Variants in ZBED4 observed in about 807,000 individuals in gnomAD.
ZBED4 encodes the protein zinc finger BED-type containing 4.
A neutral mutation model predicts 15.5 loss-of-function variants in ZBED4; 4 were observed. The observed-to-expected ratio is 0.26, with a 90% CI of 0.13 to 0.59. ZBED4 has a LOEUF of 0.59. ZBED4 is among the 20% of genes least tolerant of loss of function. The pLI is 0.90. For missense variants in ZBED4, 1,323 were observed against 1,461.8 expected (o/e 0.91, Z 1.55); for synonymous variants, 692 against 608.5 (o/e 1.14, Z -2.02).
At chr22:49,878,780 C>T (rs1601797552) in intron 1 of ZBED4, among the ~76,000 whole-genome samples, 1 of 151,992 alleles carries the variant, frequency 6.6e-6, no homozygotes, top group Non-Finnish European at 1.5e-5. Flanking sequence ...GGTGGATCAC[C>T]TGAGGTCAGG....
chr22:49,880,840 T>C (rs552660080), intron 1 of ZBED4, among the ~76,000 whole-genome samples: 88 of 152,196 alleles, frequency 5.8e-4, no homozygotes, highest in Non-Finnish European at 9.3e-4. Flanking sequence ...GATGTCAACA[T>C]TGAGTTTTCT....
rs548116300 is a variant in ZBED4, at chr22:49,875,954, T to A, written c.-329-7380T>A. Among the ~76,000 whole-genome samples, 5 of 152,012 alleles carry A rather than the reference T, an allele frequency of 3.3e-5. No homozygotes were observed. The East Asian group carries it at 7.7e-4, about 23-fold the overall frequency. On this transcript the variant is annotated intron_variant, in intron 1 of 1. Transcript: ENST00000216268. The stretch of plus-strand genomic sequence containing the variant: ...TCATTGATTTTTTTTCTTTTTTTTT[T>A]ATTTCATTGATTTCACATCTTTATT...
intron 1 of ZBED4, among the ~76,000 whole-genome samples, chr22:49,858,908 A>G (rs1027777491): frequency 6.6e-6 from 1 of 152,084 alleles, no homozygotes; most frequent in Admixed American, 6.6e-5. Context: ...GGGAGGCCTG[A>G]TTTGATACAG....
At chr22:49,861,071 C>T (rs922387158) in intron 1 of ZBED4, among the ~76,000 whole-genome samples, 3 of 151,928 alleles carry the variant, frequency 2.0e-5, no homozygotes, top group East Asian at 1.9e-4. Flanking sequence ...CCACCATGCC[C>T]GGCCTAGGCA....
rs145432095 is a variant in ZBED4 at position 49,878,427 on chromosome 22, G to A, written c.-329-4907G>A. ...ACACCGAAGAAGAGATTGGTGGAGCGATAGAGAATCCAGAAATAGATCCAC... is the reference window on the plus strand; with the variant it reads ...ACACCGAAGAAGAGATTGGTGGAGCAATAGAGAATCCAGAAATAGATCCAC... On this transcript the variant is annotated intron_variant, in intron 1 of 1. Transcript: ENST00000216268. Among the ~76,000 whole-genome samples the A allele has an allele frequency of 3.8e-3, 572 of 151,908 alleles. 4 individuals are homozygous for A. The highest frequency in any genetic ancestry group is 0.013 in the African/African-American group (554 of 41,406).
chr22:49,869,518 G>A (rs1171012307), intron 1 of ZBED4, among the ~76,000 whole-genome samples: 1 of 152,154 alleles, frequency 6.6e-6, no homozygotes, highest in Non-Finnish European at 1.5e-5. Context: ...TTATTCCTCA[G>A]GGAATATTTG....
rs573108509 is a variant in ZBED4, at chr22:49,887,388, A to G, written c.*210A>G. On this transcript the variant is annotated 3_prime_UTR_variant, in exon 2 of 2. Coordinates refer to ENST00000216268, the MANE Select transcript of ZBED4 (RefSeq NM_014838.3). ...GGGGTGTTTTATTAAGACGTCCACT[A>G]GAAATAGCTTGTCCTGTCAACTATG... 48 of 472,426 alleles carry G rather than the reference A, an allele frequency of 1.0e-4. No individual in the cohort carries two copies. Among genetic ancestry groups the G allele is most frequent in the Non-Finnish European group, 1.5e-4 (39 of 258,326 alleles). The allele number at this position is 472,426 out of a possible 1,614,324, so 29.3% of individuals were successfully genotyped here.
At chr22:49,856,121 C>T (rs1194657702) in intron 1 of ZBED4, among the ~76,000 whole-genome samples, 1 of 152,242 alleles carries the variant, frequency 6.6e-6, no homozygotes, top group African/African-American at 2.4e-5. Flanking sequence ...ACCTCAGATC[C>T]CTTCCTTGGT....
intron 1 of ZBED4, among the ~76,000 whole-genome samples, chr22:49,869,642 G>GT (rs1484112932): frequency 6.6e-6 from 1 of 152,020 alleles, no homozygotes; most frequent in African/African-American, 2.4e-5. Context: ...TATCTCATTG[G>GT]TTTTTTTCTT....
At chr22:49,875,091 AT>A (rs1328604489) in intron 1 of ZBED4, among the ~76,000 whole-genome samples, 1 of 151,648 alleles carries the variant, frequency 6.6e-6, no homozygotes, top group South Asian at 2.1e-4. Context: ...TTTGTTAAGG[AT>A]TTTTTTTCTG....
rs919118233 is a variant in ZBED4 at position 49,886,854 on chromosome 22, G to A, written c.3192G>A (p.Leu1064=). ...PSKDSAAEEN[L]WSLVAKVKKK... ...AAGACTCTGCCGCAGAGGAGAACCT[G>A]TGGTCACTTGTGGCCAAGGTGAAGA... is the stretch of plus-strand genomic sequence containing the variant. Residue 1064 remains leucine, a synonymous_variant, in exon 2 of 2, where the codon CTG becomes CTA. Coordinates refer to ENST00000216268, the MANE Select transcript of ZBED4 (RefSeq NM_014838.3). This position sits in a 1 kb window ranked among gnomAD's most constrained non-coding sequence, Gnocchi z 7.7. 21 of 1,613,986 alleles carry A rather than the reference G, an allele frequency of 1.3e-5. 1 individual carries two copies. In the Middle Eastern group the frequency reaches 4.9e-4, roughly 38 times the overall value.
At chr22:49,856,564 C>T (rs1056110909) in intron 1 of ZBED4, among the ~76,000 whole-genome samples, 9 of 152,244 alleles carry the variant, frequency 5.9e-5, no homozygotes, top group African/African-American at 9.6e-5. Flanking sequence ...CTGCTGAAGC[C>T]GCCTCCCAGC....
At chr22:49,868,287 A>G (rs1023603425) in intron 1 of ZBED4, among the ~76,000 whole-genome samples, 3 of 152,372 alleles carry the variant, frequency 2.0e-5, no homozygotes, top group African/African-American at 7.2e-5. Context: ...CAAGCAAACA[A>G]ATGAGCTTAC....
chr22:49,857,357 C>T (rs1406767929), intron 1 of ZBED4, among the ~76,000 whole-genome samples: 1 of 152,214 alleles, frequency 6.6e-6, no homozygotes, highest in East Asian at 1.9e-4. Flanking sequence ...ACAGGGGACC[C>T]ACAAAACCAC....
chr22:49,861,221 T>G (rs2060295845), intron 1 of ZBED4, among the ~76,000 whole-genome samples: 1 of 151,400 alleles, frequency 6.6e-6, no homozygotes, highest in African/African-American at 2.4e-5. Context: ...TGTTATGAGA[T>G]GGAGTCTCGC....
At chr22:49,866,736 C>A (rs114262891) in intron 1 of ZBED4, among the ~76,000 whole-genome samples, 1,847 of 152,258 alleles carry the variant, frequency 0.012, 23 homozygotes, top group African/African-American at 0.043. Context: ...TGACAGAATT[C>A]TTTTCTGTTG....
upstream of ZBED4, chr22:49,853,238 C>G (rs563259396): frequency 6.5e-6 from 1 of 152,776 alleles, no homozygotes; most frequent in Admixed American, 6.5e-5. Context: ...CTCCGCACCG[C>G]CAGCCCCGGC....
At chr22:49,860,748 C>T (rs1375321186) in intron 1 of ZBED4, among the ~76,000 whole-genome samples, 1 of 150,068 alleles carries the variant, frequency 6.7e-6, no homozygotes, top group Non-Finnish European at 1.5e-5. Flanking sequence ...TAAAAGCTAC[C>T]TTTCTTATCC....
At chr22:49,874,396 T>C (rs1433018138) in intron 1 of ZBED4, among the ~76,000 whole-genome samples, 1 of 152,018 alleles carries the variant, frequency 6.6e-6, no homozygotes, top group Non-Finnish European at 1.5e-5. Flanking sequence ...TAATTTTTTT[T>C]TTTTTTTTAG....
Sources: allele counts gnomAD v4.1 joint callset (sites outside exome capture counted in the v4.1 genomes callset), GRCh38; gene constraint gnomAD v4.1.1; non-coding constraint Gnocchi (gnomAD v3.1); transcripts MANE v1.5; gene names NCBI Gene and HGNC (gene_info 2026-07-23, HGNC 2026-07-21).